Variants in RBFOX1 observed in about 807,000 individuals in gnomAD.
The protein encoded by RBFOX1 is RNA binding protein fox-1 homolog 1.
Under a neutral mutation model 57.7 loss-of-function variants are expected in RBFOX1, and 8 were observed. The ratio of observed to expected loss-of-function variants is 0.14; its 90% CI spans 0.08 to 0.25. The LOEUF is 0.25. Ranked by LOEUF, RBFOX1 falls within the 10% of genes least tolerant of loss-of-function variation. The pLI is 1.00. For synonymous variants in RBFOX1, 326 were observed against 222.4 expected (o/e 1.47, Z -4.15); for missense variants, 611 against 548.5 (o/e 1.11, Z -1.14).
chr16:7,034,250 T>C (rs2043622650), intron 3 of RBFOX1, among the ~76,000 whole-genome samples: 1 of 152,306 alleles, frequency 6.6e-6, no homozygotes, highest in East Asian at 1.9e-4. Context: ...TGCTCTCATC[T>C]GTTCAAGGGG....
intron 4 of RBFOX1, among the ~76,000 whole-genome samples, chr16:7,181,487 C>G (rs1391306170): frequency 1.3e-5 from 2 of 151,930 alleles, no homozygotes; most frequent in African/African-American, 4.8e-5. Context: ...AGAGAATTAA[C>G]TAAATTCCTT....
chr16:5,240,336 G>T (rs1458423005), intron 1 of RBFOX1, among the ~76,000 whole-genome samples: 1 of 152,104 alleles, frequency 6.6e-6, no homozygotes, highest in Non-Finnish European at 1.5e-5. Context: ...CCCTGGCCAG[G>T]AGCCCCGTTG....
intron 3 of RBFOX1, among the ~76,000 whole-genome samples, chr16:6,726,338 C>A (rs1451781593): frequency 6.6e-6 from 1 of 150,902 alleles, no homozygotes; most frequent in Non-Finnish European, 1.5e-5. Flanking sequence ...TGTAAAGAGG[C>A]AAAAGCAAAT....
At chr16:5,705,197 T>C (rs1346268929) in intron 3 of RBFOX1, among the ~76,000 whole-genome samples, 1 of 152,184 alleles carries the variant, frequency 6.6e-6, no homozygotes, top group Non-Finnish European at 1.5e-5. Flanking sequence ...TCCATCATGC[T>C]TCATATTCTT....
chr16:5,384,069 A>G (rs192252034), intron 1 of RBFOX1, among the ~76,000 whole-genome samples: 6 of 152,284 alleles, frequency 3.9e-5, no homozygotes, highest in Admixed American at 3.3e-4. Flanking sequence ...TCCTGCAGAA[A>G]TGAGTCTATG....
At chr16:7,466,469 A>G (rs1361775222) in intron 4 of RBFOX1, among the ~76,000 whole-genome samples, 2 of 152,134 alleles carry the variant, frequency 1.3e-5, no homozygotes, top group Non-Finnish European at 2.9e-5. Flanking sequence ...TCGGTTTTAA[A>G]AAGTCACCCC....
rs185011084 is a variant in RBFOX1 at position 6,550,726 on chromosome 16, C to A, written c.-63-103877C>A. 4.2e-3 allele frequency among the ~76,000 whole-genome samples: 639 copies of A among 152,338 alleles called. 6 individuals are homozygous for A. Among genetic ancestry groups the A allele is most frequent in the South Asian group, 0.026 (124 of 4,828 alleles). On this transcript the variant is annotated intron_variant, in intron 2 of 15. Transcript: ENST00000550418. ...CATCCCCACTGAAATTGTTATACTT[C>A]ATAAAATACTTTGTACCTACTTCAG...
chr16:7,051,798 C>T (rs2050179048), intron 3 of RBFOX1, among the ~76,000 whole-genome samples: 1 of 152,176 alleles, frequency 6.6e-6, no homozygotes, highest in Non-Finnish European at 1.5e-5. Flanking sequence ...CAGGCAGATG[C>T]TGCCTCCCAC....
intron 3 of RBFOX1, among the ~76,000 whole-genome samples, chr16:6,936,699 A>T (rs182904659): frequency 6.6e-6 from 1 of 152,268 alleles, no homozygotes; most frequent in Admixed American, 6.5e-5. Context: ...GGATAGCATT[A>T]GATTAATATT....
intron 3 of RBFOX1, among the ~76,000 whole-genome samples, chr16:6,808,171 T>TGTGTG (rs2087407850): frequency 7.0e-6 from 1 of 143,474 alleles, no homozygotes; most frequent in African/African-American, 2.9e-5. Context: ...TGTGTGTGTG[T>TGTGTG]GTGTGTGTAT....
At chr16:5,690,517 G>A (rs1310180025) in intron 3 of RBFOX1, among the ~76,000 whole-genome samples, 1 of 152,076 alleles carries the variant, frequency 6.6e-6, no homozygotes, top group Non-Finnish European at 1.5e-5. Context: ...GCATGATGGA[G>A]GCACTCAGTC....
At chr16:6,348,521 G>A (rs1169917457) in intron 2 of RBFOX1, among the ~76,000 whole-genome samples, 2 of 152,012 alleles carry the variant, frequency 1.3e-5, no homozygotes, top group East Asian at 1.9e-4. Flanking sequence ...TACCTGAGAC[G>A]GGGTAATTTA....
At position 6,645,597 on chromosome 16, in the gene RBFOX1, A is replaced by G. The variant is rs570143377; in HGVS notation, c.-63-9006A>G. 2.8e-4 allele frequency among the ~76,000 whole-genome samples: 42 copies of G among 152,262 alleles called. No homozygotes were observed. The Middle Eastern group carries it at 0.024, about 87-fold the overall frequency. ...CTCGGGAGAGAGAACTGCTTCTGAA[A>G]AGAACGGACACATGAGTGCTTTGAT... On this transcript the variant is annotated intron_variant, in intron 2 of 15. Coordinates refer to ENST00000550418, the MANE Select transcript of RBFOX1 (RefSeq NM_018723.4).
chr16:7,354,731 C>G lies in RBFOX1; in HGVS notation c.28-163416C>G, dbSNP rs562420529. 5.9e-5 allele frequency among the ~76,000 whole-genome samples: 9 copies of G among 152,238 alleles called. No individual in the cohort carries two copies. In the East Asian group the frequency reaches 1.7e-3, roughly 29 times the overall value. On this transcript the variant is annotated intron_variant, in intron 4 of 15. Coordinates refer to ENST00000550418, the MANE Select transcript of RBFOX1 (RefSeq NM_018723.4). ...GATATGACGGCCACTAGTCACGTGT[C>G]TCTATTTAAATTTAATTAAAATTCA...
At chr16:5,596,030 G>T (rs537688625) in intron 2 of RBFOX1, among the ~76,000 whole-genome samples, 1 of 152,126 alleles carries the variant, frequency 6.6e-6, no homozygotes, top group Non-Finnish European at 1.5e-5. Flanking sequence ...ACGGAAGTGC[G>T]GCACAATGAG....
intron 14 of RBFOX1, among the ~76,000 whole-genome samples, chr16:7,708,011 G>C (rs2083053661): frequency 6.6e-6 from 1 of 152,148 alleles, no homozygotes; most frequent in Admixed American, 6.5e-5. Context: ...ATGGGCACAG[G>C]ATACGGTGGA....
intron 14 of RBFOX1, among the ~76,000 whole-genome samples, chr16:7,678,499 C>G (rs1025266642): frequency 6.6e-6 from 1 of 152,238 alleles, no homozygotes; most frequent in African/African-American, 2.4e-5. Flanking sequence ...ATGCTAAATT[C>G]TCAAACACCC....
chr16:5,378,983 T>C (rs750413974), intron 1 of RBFOX1, among the ~76,000 whole-genome samples: 13 of 151,616 alleles, frequency 8.6e-5, no homozygotes, highest in Non-Finnish European at 1.8e-4. Flanking sequence ...CATTAAGAAA[T>C]CCTTCCTTGG....
chr16:6,189,389 ATCATAAACTCC>A, intron 1 of RBFOX1, among the ~76,000 whole-genome samples: 1 of 152,326 alleles, frequency 6.6e-6, no homozygotes, highest in South Asian at 2.1e-4. Flanking sequence ...TTGCCAACTC[ATCATAAACTCC>A]TCAGCTGTTA....
Sources: gnomAD v4.1 joint callset for allele counts (sites outside exome capture counted in the v4.1 genomes callset) on GRCh38, gnomAD v4.1.1 for gene constraint, MANE v1.5 for transcripts, NCBI Gene and HGNC (gene_info 2026-07-23, HGNC 2026-07-21) for gene names.